Variants in MACROD2 observed in about 807,000 individuals in gnomAD.
MACROD2 encodes mono-ADP ribosylhydrolase 2, also known as ADP-ribose glycohydrolase MACROD2.
In MACROD2, 36 loss-of-function variants were observed where a neutral mutation model predicts 70.4. The ratio of observed to expected loss-of-function variants is 0.51; its 90% CI spans 0.39 to 0.68. MACROD2 has a LOEUF of 0.68. Ranked by LOEUF, MACROD2 falls within the 30% of genes least tolerant of loss-of-function variation. The pLI, the probability that MACROD2 is intolerant of heterozygous loss-of-function variation, is 0.00. For missense variants in MACROD2, 496 were observed against 538.4 expected, an observed-to-expected ratio of 0.92 and a Z score of 0.78; for synonymous variants, 172 against 178.8, an observed-to-expected ratio of 0.96 and a Z score of 0.30.
intron 5 of MACROD2, among the ~76,000 whole-genome samples, chr20:14,847,946 A>G (rs1271543041): frequency 6.6e-6 from 1 of 152,158 alleles, no homozygotes; most frequent in Non-Finnish European, 1.5e-5. Context: ...AGCATTTATC[A>G]CTAAATTCTA....
intron 8 of MACROD2, among the ~76,000 whole-genome samples, chr20:15,769,013 C>A (rs2051576212): frequency 6.6e-6 from 1 of 152,128 alleles, no homozygotes; most frequent in Admixed American, 6.5e-5. Context: ...CTTCTGGATA[C>A]CTGAAGGACC....
chr20:14,061,292 T>C (rs1254058797), intron 2 of MACROD2, among the ~76,000 whole-genome samples: 1 of 152,190 alleles, frequency 6.6e-6, no homozygotes, highest in East Asian at 1.9e-4. Context: ...AATGAATTTG[T>C]TTAAAGTTCT....
At chr20:14,274,941 G>A (rs1480419950) in intron 3 of MACROD2, among the ~76,000 whole-genome samples, 1 of 151,920 alleles carries the variant, frequency 6.6e-6, no homozygotes, top group Non-Finnish European at 1.5e-5. Context: ...AACTTACAAG[G>A]GATGTGAAGG....
chr20:14,891,718 T>C (rs1484217308), intron 5 of MACROD2, among the ~76,000 whole-genome samples: 2 of 152,148 alleles, frequency 1.3e-5, no homozygotes, highest in Non-Finnish European at 2.9e-5. Flanking sequence ...TTTACAATTT[T>C]GTTAGGAAGA....
intron 3 of MACROD2, among the ~76,000 whole-genome samples, chr20:14,109,920 A>G (rs912052250): frequency 1.3e-5 from 2 of 151,884 alleles, no homozygotes; most frequent in African/African-American, 4.8e-5. Context: ...TAAAAAAAAC[A>G]CCAAAAACAC....
At chr20:15,166,046 G>A (rs546643280) in intron 5 of MACROD2, among the ~76,000 whole-genome samples, 53 of 152,092 alleles carry the variant, frequency 3.5e-4, no homozygotes, top group Non-Finnish European at 6.6e-4. Context: ...TATAAACGAC[G>A]TATCCAAAGC....
intron 11 of MACROD2, among the ~76,000 whole-genome samples, chr20:15,936,599 A>C (rs2147328548): frequency 6.6e-6 from 1 of 150,406 alleles, no homozygotes. Context: ...ATGAAAACTG[A>C]CACACATTTG....
chr20:15,213,825 A>G (rs960906766), intron 5 of MACROD2, among the ~76,000 whole-genome samples: 1 of 152,176 alleles, frequency 6.6e-6, no homozygotes, highest in Non-Finnish European at 1.5e-5. Context: ...AGCTGCAAAC[A>G]CAGCCAGCCA....
At chr20:15,892,998 G>A (rs1045368952) in intron 10 of MACROD2, 2 of 398,858 alleles carry the variant, frequency 5.0e-6, no homozygotes, top group African/African-American at 4.1e-5. Flanking sequence ...ATGTTCGAAA[G>A]ACTCTAGCGA....
chr20:15,602,992 C>G (rs907713093), intron 8 of MACROD2, among the ~76,000 whole-genome samples: 1 of 151,442 alleles, frequency 6.6e-6, no homozygotes, highest in African/African-American at 2.4e-5. Context: ...CTAAAAATTA[C>G]ATTGGTGTAA....
intron 5 of MACROD2, among the ~76,000 whole-genome samples, chr20:14,958,626 C>T (rs1263125499): frequency 1.3e-5 from 2 of 152,180 alleles, no homozygotes; most frequent in Admixed American, 6.5e-5. Context: ...CTTGCATGTT[C>T]CCCATGTCCA....
intron 3 of MACROD2, among the ~76,000 whole-genome samples, chr20:14,284,159 T>C (rs1349453346): frequency 6.7e-6 from 1 of 150,044 alleles, no homozygotes; most frequent in Non-Finnish European, 1.5e-5. Context: ...AGTAGAGGTG[T>C]TGGGTTGGAC....
chr20:15,687,195 T>A (rs2050238686), intron 8 of MACROD2, among the ~76,000 whole-genome samples: 1 of 151,262 alleles, frequency 6.6e-6, no homozygotes, highest in Non-Finnish European at 1.5e-5. Flanking sequence ...CAACTTGTTT[T>A]ATATATTTGT....
chr20:15,375,853 T>G (rs1208504138), intron 6 of MACROD2, among the ~76,000 whole-genome samples: 1 of 151,984 alleles, frequency 6.6e-6, no homozygotes. Flanking sequence ...TTCAGGGAGG[T>G]GAGCAAATTT....
At chr20:14,524,629 G>T (rs996767925) in intron 4 of MACROD2, among the ~76,000 whole-genome samples, 2 of 152,154 alleles carry the variant, frequency 1.3e-5, no homozygotes, top group Admixed American at 1.3e-4. Context: ...TCACACCTGG[G>T]ATGCTCATGC....
intron 8 of MACROD2, among the ~76,000 whole-genome samples, chr20:15,614,251 C>T (rs1329465502): frequency 6.6e-6 from 1 of 152,188 alleles, no homozygotes; most frequent in African/African-American, 2.4e-5. Flanking sequence ...TGATTCTCTT[C>T]TTGTCTGTTA....
chr20:15,957,914 T>C (rs2066000527), intron 12 of MACROD2, among the ~76,000 whole-genome samples: 1 of 152,206 alleles, frequency 6.6e-6, no homozygotes, highest in Non-Finnish European at 1.5e-5. Flanking sequence ...TAAAGAGATG[T>C]GGTGTTCCAC....
At chr20:15,728,991 CT>C (rs1384997892) in intron 8 of MACROD2, among the ~76,000 whole-genome samples, 1 of 152,068 alleles carries the variant, frequency 6.6e-6, no homozygotes, top group Non-Finnish European at 1.5e-5. Flanking sequence ...AATTTGAGAT[CT>C]TTCTAACTTT....
chr20:14,299,379 C>T (rs556401121), intron 3 of MACROD2, among the ~76,000 whole-genome samples: 3 of 151,920 alleles, frequency 2.0e-5, no homozygotes, highest in East Asian at 1.9e-4. Context: ...GTAGTATAAA[C>T]GTTAACTTTT....
Sources: allele counts gnomAD v4.1 joint callset (sites outside exome capture counted in the v4.1 genomes callset), GRCh38; gene constraint gnomAD v4.1.1; transcripts MANE v1.5; gene names NCBI Gene and HGNC (gene_info 2026-07-23, HGNC 2026-07-21).